C4orf51: variants seen among roughly 807,000 people sequenced by gnomAD.
C4orf51 encodes chromosome 4 open reading frame 51, also known as uncharacterized protein C4orf51.
In C4orf51, 25 loss-of-function variants were observed where a neutral mutation model predicts 25.2. The observed-to-expected ratio is 0.99, with a 90% CI of 0.72 to 1.39. The LOEUF is 1.39. C4orf51 is among the 40% of genes most tolerant of loss of function. C4orf51 has a pLI of 0.00. For missense variants in C4orf51, 252 were observed against 239.6 expected (o/e 1.05, Z -0.34); for synonymous variants, 100 against 84.5 (o/e 1.18, Z -1.01).
chr4:145,708,692 C>T (rs1334312257), intron 2 of C4orf51, among the ~76,000 whole-genome samples: 1 of 152,130 alleles, frequency 6.6e-6, no homozygotes, highest in Non-Finnish European at 1.5e-5. Context: ...CCTAACCTTG[C>T]CTTCATCACT....
chr4:145,712,332 G>A (rs541064404), intron 2 of C4orf51, among the ~76,000 whole-genome samples: 95 of 152,196 alleles, frequency 6.2e-4, no homozygotes, highest in Admixed American at 2.6e-3. Flanking sequence ...TCAGCTTCTT[G>A]CACCAAACAT....
chr4:145,725,142 C>T (rs907277602), intron 2 of C4orf51, among the ~76,000 whole-genome samples: 2 of 151,524 alleles, frequency 1.3e-5, no homozygotes, highest in Non-Finnish European at 2.9e-5. Context: ...AGAACTTACT[C>T]ATGTAACCAA....
intron 1 of C4orf51, among the ~76,000 whole-genome samples, chr4:145,739,338 C>CT (rs1441043866): frequency 6.6e-6 from 1 of 152,202 alleles, no homozygotes; most frequent in Admixed American, 6.5e-5. Context: ...CGAAGCTCTG[C>CT]TTACCTCCCC....
intron 1 of C4orf51, among the ~76,000 whole-genome samples, chr4:145,739,449 C>A (rs1732978821): frequency 6.6e-6 from 1 of 152,212 alleles, no homozygotes; most frequent in Admixed American, 6.5e-5. Context: ...TTGGGAAAGG[C>A]TCAAACACAA....
chr4:145,699,867 G>A (rs1041589498), intron 2 of C4orf51, among the ~76,000 whole-genome samples: 12 of 151,724 alleles, frequency 7.9e-5, no homozygotes, highest in African/African-American at 2.7e-4. Context: ...GCTTTTCTGG[G>A]GGAGGGGCAA....
the C4orf51 span, among the ~76,000 whole-genome samples, chr4:145,786,356 T>C: frequency 1.3e-5 from 2 of 152,230 alleles, no homozygotes; most frequent in Non-Finnish European, 2.9e-5. Context: ...GAAGGCTTTA[T>C]TTGGCGACAG....
rs934234157 is a variant in C4orf51, at chr4:145,726,953, A to T, written c.350A>T (p.Asp117Val). 7 of 1,613,376 alleles carry T rather than the reference A, an allele frequency of 4.3e-6. No individual in the cohort carries two copies. The African/African-American group carries it at 9.3e-5, about 22-fold the overall frequency. The change falls in exon 3 of 6, where the codon GAT becomes GTT. Residue 117 changes from aspartate (D) to valine (V), a missense_variant. Asp to Val is a radical substitution (Grantham distance 152). Transcript: ENST00000438731. ...DITRPFKKSF[D>V]VKHGVAHQIW... is the part of the protein sequence containing the mutation. The stretch of plus-strand genomic sequence containing the variant: ...ACCAGGCCCTTTAAAAAGTCATTTG[A>T]TGTCAAGCATGGAGTGGTAAGCCCA...
chr4:145,764,810 A>C, intron 1 of C4orf51: 1 of 770,090 alleles, frequency 1.3e-6, no homozygotes, highest in Non-Finnish European at 2.1e-6. Context: ...TTGACACCCT[A>C]GGGGGACAGG....
In C4orf51 at chr4:145,761,461, C is replaced by T. The variant is rs1560881302; in HGVS notation, n.167-9527C>T. 1 of 1,289,850 alleles carries T rather than the reference C, an allele frequency of 7.8e-7. No individual in the cohort carries two copies. Among genetic ancestry groups the T allele is most frequent in the South Asian group, 1.2e-5 (1 of 81,030 alleles). 79.9% of individuals were successfully genotyped at this position (1,289,850 alleles called of 1,614,324 possible). On this transcript the variant is annotated intron_variant and non_coding_transcript_variant, in intron 1 of 1. Transcript: ENST00000510096. The surrounding 1 kb of genome is among the most constrained non-coding windows in gnomAD (Gnocchi z 6.8). ...GTAGTGGTTGCCCAGGCGGTGCTCCCGGGTGTGCGTCTCCAGCTCCAGCTG... is the reference window on the plus strand; with the variant it reads ...GTAGTGGTTGCCCAGGCGGTGCTCCTGGGTGTGCGTCTCCAGCTCCAGCTG...
chr4:145,681,310 A>G (rs1049194838), intron 1 of C4orf51, among the ~76,000 whole-genome samples: 3 of 152,252 alleles, frequency 2.0e-5, no homozygotes, highest in African/African-American at 4.8e-5. Context: ...AATAACCCAC[A>G]TAATACCCTG....
the C4orf51 span, among the ~76,000 whole-genome samples, chr4:145,785,545 A>G: frequency 2.6e-5 from 4 of 152,084 alleles, no homozygotes; most frequent in Non-Finnish European, 4.4e-5. Context: ...GTAACCCACA[A>G]CTGTTGCCCA....
At chr4:145,712,216 T>A (rs1731171127) in intron 2 of C4orf51, among the ~76,000 whole-genome samples, 1 of 152,202 alleles carries the variant, frequency 6.6e-6, no homozygotes, top group South Asian at 2.1e-4. Flanking sequence ...TGGCCTCTAA[T>A]GGTTTGAGTG....
At chr4:145,757,383 C>T (rs945459764), downstream of C4orf51, among the ~76,000 whole-genome samples, 3 of 152,146 alleles carry the variant, frequency 2.0e-5, no homozygotes, top group Non-Finnish European at 4.4e-5. Flanking sequence ...GCTGGCCTGC[C>T]ACTGTCCTGA....
At position 145,694,715 on chromosome 4, in the gene C4orf51, C is replaced by G. The variant is rs547614530; in HGVS notation, c.234-1844C>G. On this transcript the variant is annotated intron_variant, in intron 1 of 5. Transcript: ENST00000438731. Reference sequence around the variant, plus strand: ...GTGAGGGGCGCCTCTGCCCGGCCGCCCCTACTGGGAAGTGAGGAGCCCCTC... The same window carrying G: ...GTGAGGGGCGCCTCTGCCCGGCCGCGCCTACTGGGAAGTGAGGAGCCCCTC... Among the ~76,000 whole-genome samples the G allele has an allele frequency of 2.7e-4, 40 of 150,552 alleles. No homozygotes were observed. The South Asian group carries it at 8.5e-3, about 32-fold the overall frequency.
At chr4:145,714,230 C>G (rs1731279032) in intron 2 of C4orf51, among the ~76,000 whole-genome samples, 1 of 152,174 alleles carries the variant, frequency 6.6e-6, no homozygotes, top group Admixed American at 6.5e-5. Context: ...GGAACTGAAC[C>G]CACACTGTCT....
Position 145,761,111 on chromosome 4 carries a change from C to T in C4orf51, n.167-9877C>T, listed in dbSNP as rs1317003077. ...GACAGGAGATTCCGGGAGCTCCCGA[C>T]CACCAGGAGCGGGGCCCCCGGGCCG... is the stretch of plus-strand genomic sequence containing the variant. On this transcript the variant is annotated intron_variant and non_coding_transcript_variant, in intron 1 of 1. Coordinates refer to the C4orf51 transcript ENST00000510096. This position sits in a 1 kb window ranked among gnomAD's most constrained non-coding sequence, Gnocchi z 6.8. 10 of 1,289,480 alleles carry T rather than the reference C, an allele frequency of 7.8e-6. No homozygotes were observed. The highest frequency in any genetic ancestry group is 1.0e-5 in the Non-Finnish European group (10 of 988,728). The allele number at this position is 1,289,480 out of a possible 1,614,324, so 79.9% of individuals were successfully genotyped here. A position where few individuals can be genotyped will look rare whatever the true frequency, so the allele number is the denominator to read the frequency against.
chr4:145,719,127 G>T (rs1349234673), intron 2 of C4orf51, among the ~76,000 whole-genome samples: 4 of 152,098 alleles, frequency 2.6e-5, no homozygotes, highest in South Asian at 2.1e-4. Flanking sequence ...CCAGCACTTG[G>T]CACAGGGCAT....
At chr4:145,789,404 A>T in the C4orf51 span, among the ~76,000 whole-genome samples, 9 of 152,336 alleles carry the variant, frequency 5.9e-5, no homozygotes, top group East Asian at 1.3e-3. Context: ...TATATTAAGG[A>T]GACAGTACAT....
rs181810249 is a variant in C4orf51, at chr4:145,702,057, C to A, written c.307+5425C>A. On this transcript the variant is annotated intron_variant, in intron 2 of 5. Transcript: ENST00000438731. ...TACCATCCCATTAAAACCTAATCAC[C>A]CATACCCCACTCAACGCCAATATCC... Among the ~76,000 whole-genome samples the A allele has an allele frequency of 3.3e-5, 5 of 152,226 alleles. No homozygotes were observed. In the East Asian group the frequency reaches 9.7e-4, roughly 29 times the overall value.
Sources: gnomAD v4.1 joint callset for allele counts (sites outside exome capture counted in the v4.1 genomes callset) on GRCh38, gnomAD v4.1.1 for gene constraint, Gnocchi (gnomAD v3.1) non-coding constraint, MANE v1.5 for transcripts, NCBI Gene and HGNC (gene_info 2026-07-23, HGNC 2026-07-21) for gene names.